The following CHCHD6 variants were observed in gnomAD, a reference collection of about 807,000 sequenced individuals.
The protein encoded by CHCHD6 is MICOS complex subunit MIC25.
In CHCHD6, 28 loss-of-function variants were observed where a neutral mutation model predicts 32.3. The observed-to-expected ratio is 0.87, with a 90% CI of 0.64 to 1.19. The LOEUF is 1.19. Ranked by LOEUF, CHCHD6 falls within the 50% of genes most tolerant of loss-of-function variation. The pLI, the probability that CHCHD6 is intolerant of heterozygous loss-of-function variation, is 0.00. For missense variants in CHCHD6, 333 were observed against 307.0 expected, an observed-to-expected ratio of 1.08 and a Z score of -0.63; for synonymous variants, 122 against 117.5, an observed-to-expected ratio of 1.04 and a Z score of -0.25.
At chr3:126,862,657 A>T (rs1576513845) in intron 5 of CHCHD6, among the ~76,000 whole-genome samples, 1 of 72,884 alleles carries the variant, frequency 1.4e-5, no homozygotes, top group African/African-American at 5.5e-5. Flanking sequence ...CACCATCACC[A>T]CCTCCCCCTC....
At position 126,768,295 on chromosome 3, in the gene CHCHD6, C is replaced by T. The variant is rs540543094; in HGVS notation, c.411+35073C>T. ...CTCTCTCTCTCGCTCCTGCTTCTGC[C>T]CTGTAAGACAGCTGTTCCCCCTTTG... On this transcript the variant is annotated intron_variant, in intron 4 of 7. Coordinates refer to ENST00000290913, the MANE Select transcript of CHCHD6 (RefSeq NM_032343.3). 1.6e-4 allele frequency among the ~76,000 whole-genome samples: 24 copies of T among 152,184 alleles called. No individual in the cohort carries two copies. The East Asian group carries it at 3.9e-3, about 25-fold the overall frequency.
At chr3:126,756,935 C>A (rs1936975048) in intron 4 of CHCHD6, among the ~76,000 whole-genome samples, 2 of 152,168 alleles carry the variant, frequency 1.3e-5, no homozygotes, top group Non-Finnish European at 1.5e-5. Flanking sequence ...AGAATCACAT[C>A]ATGTATGTTT....
At chr3:126,873,553 G>T (rs1466910358) in intron 5 of CHCHD6, among the ~76,000 whole-genome samples, 1 of 152,182 alleles carries the variant, frequency 6.6e-6, no homozygotes. Flanking sequence ...GGTTCAGGTT[G>T]GTCAGCCAAA....
At chr3:126,706,218 A>ACC (rs2107647831) in intron 1 of CHCHD6, among the ~76,000 whole-genome samples, 1 of 152,224 alleles carries the variant, frequency 6.6e-6, no homozygotes, top group Admixed American at 6.5e-5. Flanking sequence ...GTTGATTGGA[A>ACC]ACCTCATGTT....
At chr3:126,798,058 A>G (rs1265926901) in intron 4 of CHCHD6, among the ~76,000 whole-genome samples, 2 of 152,140 alleles carry the variant, frequency 1.3e-5, no homozygotes, top group African/African-American at 2.4e-5. Flanking sequence ...TAAAAAGTCT[A>G]TGACTTTTGC....
intron 6 of CHCHD6, among the ~76,000 whole-genome samples, chr3:126,928,545 C>T (rs1198809037): frequency 2.6e-5 from 4 of 152,170 alleles, no homozygotes; most frequent in Non-Finnish European, 5.9e-5. Flanking sequence ...GTGGCAGCTC[C>T]AAGCTAGAGT....
chr3:126,919,540 C>G (rs985130890), intron 6 of CHCHD6, among the ~76,000 whole-genome samples: 2 of 151,234 alleles, frequency 1.3e-5, no homozygotes, highest in African/African-American at 4.9e-5. Context: ...GTCTTGAACT[C>G]CTGGCTTATG....
Position 126,944,756 on chromosome 3 carries a change from T to C in CHCHD6, c.567-12660T>C, listed in dbSNP as rs1253389548. On this transcript the variant is annotated intron_variant, in intron 6 of 7. Transcript: ENST00000290913. ...GGAAGTTGTGGTTAGCAGACAGACA[T>C]GGGGGCAGATTGGAGAAGGAGTCAA... Among the ~76,000 whole-genome samples the C allele has an allele frequency of 2.0e-5, 3 of 152,178 alleles. No homozygotes were observed. The East Asian group carries it at 5.8e-4, about 30-fold the overall frequency.
chr3:126,947,142 C>G (rs2078651233), intron 6 of CHCHD6, among the ~76,000 whole-genome samples: 1 of 152,254 alleles, frequency 6.6e-6, no homozygotes, highest in Admixed American at 6.5e-5. Context: ...ATGGGAACGA[C>G]TTGGCCACCT....
intron 4 of CHCHD6, among the ~76,000 whole-genome samples, chr3:126,809,524 C>T (rs892813365): frequency 2.0e-5 from 3 of 152,164 alleles, no homozygotes; most frequent in African/African-American, 7.2e-5. Context: ...TGAGTGGAAA[C>T]TTTGCTTAAC....
At chr3:126,788,435 G>A (rs1249404724) in intron 4 of CHCHD6, among the ~76,000 whole-genome samples, 1 of 151,770 alleles carries the variant, frequency 6.6e-6, no homozygotes, top group Non-Finnish European at 1.5e-5. Flanking sequence ...GTAGAATTCT[G>A]CTGTGAATCC....
At chr3:126,904,329 C>T (rs2107584682) in intron 5 of CHCHD6, among the ~76,000 whole-genome samples, 1 of 152,284 alleles carries the variant, frequency 6.6e-6, no homozygotes, top group East Asian at 1.9e-4. Flanking sequence ...CTCTGGGGCT[C>T]CCCTGTCAAG....
chr3:126,791,335 T>A (rs533208586), intron 4 of CHCHD6, among the ~76,000 whole-genome samples: 1 of 152,348 alleles, frequency 6.6e-6, no homozygotes, highest in African/African-American at 2.4e-5. Flanking sequence ...GGAGAACCAC[T>A]ACTCTCTTCA....
intron 5 of CHCHD6, among the ~76,000 whole-genome samples, chr3:126,865,229 C>T (rs1942249075): frequency 6.7e-6 from 1 of 150,138 alleles, no homozygotes; most frequent in African/African-American, 2.4e-5. Context: ...CCACCACCAC[C>T]TCCATTTCCA....
intron 2 of CHCHD6, among the ~76,000 whole-genome samples, chr3:126,729,556 C>A (rs1935687977): frequency 6.6e-6 from 1 of 152,128 alleles, no homozygotes; most frequent in African/African-American, 2.4e-5. Context: ...ATGGCGAGCA[C>A]TAGTGTGGAG....
At chr3:126,925,593 A>G (rs1162088136) in intron 6 of CHCHD6, among the ~76,000 whole-genome samples, 1 of 152,148 alleles carries the variant, frequency 6.6e-6, no homozygotes, top group Non-Finnish European at 1.5e-5. Flanking sequence ...CAGAAGGGCT[A>G]CTTCCTCTGC....
At chr3:126,853,856 T>G (rs1576497595) in intron 5 of CHCHD6, among the ~76,000 whole-genome samples, 1 of 152,118 alleles carries the variant, frequency 6.6e-6, no homozygotes, top group African/African-American at 2.4e-5. Flanking sequence ...TGATTTGAGA[T>G]CCCAGAAAAG....
At chr3:126,899,802 T>C (rs1252592058) in intron 5 of CHCHD6, among the ~76,000 whole-genome samples, 1 of 152,200 alleles carries the variant, frequency 6.6e-6, no homozygotes, top group Non-Finnish European at 1.5e-5. Context: ...ATGCTTAGCA[T>C]GAACCTTACC....
At chr3:126,838,930 T>G (rs1940965768) in intron 4 of CHCHD6, among the ~76,000 whole-genome samples, 2 of 150,850 alleles carry the variant, frequency 1.3e-5, no homozygotes, top group Admixed American at 1.3e-4. Flanking sequence ...GCTCTGTTGC[T>G]CAGCCCGGCA....
Sources: allele counts gnomAD v4.1 joint callset (sites outside exome capture counted in the v4.1 genomes callset), GRCh38; gene constraint gnomAD v4.1.1; transcripts MANE v1.5; gene names NCBI Gene and HGNC (gene_info 2026-07-23, HGNC 2026-07-21).